MYOM2: variants seen among roughly 807,000 people sequenced by gnomAD.
The protein encoded by MYOM2 is myomesin-2.
MYOM2 carries 254 observed loss-of-function variants against 187.6 expected under a neutral mutation model. The ratio of observed to expected loss-of-function variants is 1.35; its 90% CI spans 1.22 to 1.50. MYOM2 has a LOEUF of 1.50. Ranked by LOEUF, MYOM2 falls within the 40% of genes most tolerant of loss-of-function variation. The pLI is 0.00. For missense variants in MYOM2, 2,796 were observed against 1,924.0 expected, an observed-to-expected ratio of 1.45 and a Z score of -8.48; for synonymous variants, 981 against 753.8, an observed-to-expected ratio of 1.30 and a Z score of -4.94.
intron 32 of MYOM2, among the ~76,000 whole-genome samples, chr8:2,131,788 C>T (rs140177454): frequency 0.14 from 20,797 of 151,362 alleles, 2,494 homozygotes; most frequent in African/African-American, 0.31. Context: ...GGACTACAGG[C>T]GCCCACCACC....
intron 1 of MYOM2, among the ~76,000 whole-genome samples, chr8:2,050,537 G>T (rs139949375): frequency 6.6e-6 from 1 of 152,302 alleles, no homozygotes; most frequent in African/African-American, 2.4e-5. Context: ...CAACTGTTGT[G>T]GAAGAAAACA....
intron 13 of MYOM2, among the ~76,000 whole-genome samples, chr8:2,081,488 C>G (rs1016271845): frequency 6.6e-6 from 1 of 152,218 alleles, no homozygotes; most frequent in Non-Finnish European, 1.5e-5. Context: ...GCAGACAGAT[C>G]AGGGAGGAGG....
At chr8:2,114,410 G>A (rs114837006) in intron 25 of MYOM2, among the ~76,000 whole-genome samples, 1,964 of 152,330 alleles carry the variant, frequency 0.013, 37 homozygotes, top group African/African-American at 0.045. Flanking sequence ...TGCAGGCAGG[G>A]AGGGGGAACT....
chr8:2,048,910 CT>C (rs902913066), intron 1 of MYOM2, among the ~76,000 whole-genome samples: 2 of 151,952 alleles, frequency 1.3e-5, no homozygotes, highest in African/African-American at 4.8e-5. Context: ...CTGCCTCAGC[CT>C]CCCGAGTAGC....
chr8:2,110,143 G>A (rs942814522), intron 25 of MYOM2, among the ~76,000 whole-genome samples: 1 of 152,128 alleles, frequency 6.6e-6, no homozygotes, highest in Non-Finnish European at 1.5e-5. Flanking sequence ...GGCAACATAA[G>A]GAGATCCCAT....
At chr8:2,084,758 A>G (rs751165379) in intron 13 of MYOM2, among the ~76,000 whole-genome samples, 19 of 152,180 alleles carry the variant, frequency 1.2e-4, no homozygotes, top group Non-Finnish European at 2.6e-4. Flanking sequence ...TGAGCTTTTG[A>G]GGGAGGAGCA....
At position 2,050,842 on chromosome 8, in the gene MYOM2, C is replaced by T. The variant is rs149935963; in HGVS notation, c.76C>T (p.Arg26Trp). The change falls in exon 2 of 37, where the codon CGG (arginine) becomes TGG (tryptophan). Residue 26 changes from arginine (R) to tryptophan (W), a missense_variant. Arg to Trp is a moderately radical substitution (Grantham distance 101). Transcript: ENST00000262113. Reference sequence around the variant, plus strand: ...CCAGTCCTACCGTAATATTCAAACACGGTACCTGCTGGACGAATATGCGTC... The same window carrying T: ...CCAGTCCTACCGTAATATTCAAACATGGTACCTGCTGGACGAATATGCGTC... Reference protein sequence around the residue: ...FDQSYRNIQTRYLLDEYASKK... With the variant: ...FDQSYRNIQTWYLLDEYASKK... 233 of 1,612,550 alleles carry T rather than the reference C, an allele frequency of 1.4e-4. 2 individuals carry two copies. The East Asian group carries it at 1.6e-3, about 11-fold the overall frequency.
chr8:2,139,804 A>G (rs981249587), intron 32 of MYOM2, among the ~76,000 whole-genome samples: 14 of 152,202 alleles, frequency 9.2e-5, no homozygotes, highest in African/African-American at 2.9e-4. Flanking sequence ...TAACTTATAC[A>G]CTTTTGTCTG....
chr8:2,076,590 G>C lies in MYOM2; in HGVS notation c.1262+308G>C, dbSNP rs527710871. ...ACTCTGAGCCCCGCGCTGTGGTTCT[G>C]CTGAGGTCCGGGCTGTGCCCCGTAC... On this transcript the variant is annotated intron_variant, in intron 11 of 36. Coordinates refer to ENST00000262113, the MANE Select transcript of MYOM2 (RefSeq NM_003970.4). 2.5e-5 allele frequency: 8 copies of C among 325,204 alleles called. No individual in the cohort carries two copies. In the South Asian group the frequency reaches 4.0e-4, roughly 16 times the overall value. 20.1% of individuals were successfully genotyped at this position (325,204 alleles called of 1,614,324 possible).
chr8:2,101,123 A>G (rs969622507), intron 20 of MYOM2, 69 bp downstream of exon 20: 1 of 1,527,042 alleles, frequency 6.5e-7, no homozygotes, highest in Non-Finnish European at 9.0e-7. Flanking sequence ...AGGCGGGCCA[A>G]TCACTTGAGG....
intron 28 of MYOM2, among the ~76,000 whole-genome samples, chr8:2,121,335 C>T (rs1056574788): frequency 1.3e-5 from 2 of 152,098 alleles, no homozygotes; most frequent in African/African-American, 4.8e-5. Context: ...TGTGTGTGCA[C>T]TCCCAAGGCC....
intron 6 of MYOM2, among the ~76,000 whole-genome samples, chr8:2,063,940 C>G (rs912489281): frequency 2.0e-5 from 3 of 152,248 alleles, no homozygotes; most frequent in Non-Finnish European, 4.4e-5. Context: ...CTCTCCCTCA[C>G]TTGCTTGCAA....
chr8:2,092,964 G>T (rs887931756), intron 16 of MYOM2, among the ~76,000 whole-genome samples: 17 of 152,186 alleles, frequency 1.1e-4, no homozygotes, highest in African/African-American at 4.1e-4. Flanking sequence ...TTCGCTTGTG[G>T]TGGGGGCAGC....
At chr8:2,080,760 GA>G (rs1267283817) in intron 13 of MYOM2, among the ~76,000 whole-genome samples, 1 of 152,226 alleles carries the variant, frequency 6.6e-6, no homozygotes, top group Non-Finnish European at 1.5e-5. Flanking sequence ...AATACTGTTA[GA>G]AAAGAAGGCC....
chr8:2,142,987 C>T (rs556348440), intron 35 of MYOM2, among the ~76,000 whole-genome samples: 2 of 152,084 alleles, frequency 1.3e-5, no homozygotes, highest in South Asian at 2.1e-4. Flanking sequence ...AACTCCTGAC[C>T]TCAGATGATC....
chr8:2,067,442 C>G (rs528556318), intron 6 of MYOM2, among the ~76,000 whole-genome samples: 407 of 152,264 alleles, frequency 2.7e-3, no homozygotes, highest in Non-Finnish European at 4.9e-3. Flanking sequence ...AGCTTCTTAC[C>G]TTACTGTGTT....
chr8:2,046,460 G>A (rs891312478), intron 1 of MYOM2, among the ~76,000 whole-genome samples: 8 of 152,174 alleles, frequency 5.3e-5, no homozygotes, highest in Non-Finnish European at 4.4e-5. Context: ...GGGTTCGGCC[G>A]TGGCCCTACC....
chr8:2,051,253 G>T (rs1818475860), intron 2 of MYOM2, among the ~76,000 whole-genome samples: 2 of 152,218 alleles, frequency 1.3e-5, no homozygotes, highest in Non-Finnish European at 1.5e-5. Flanking sequence ...TTAATGGGTG[G>T]CAGAGTAAAG....
chr8:2,141,010 A>G, intron 33 of MYOM2, 124 bp downstream of exon 33: 1 of 1,332,226 alleles, frequency 7.5e-7, no homozygotes, highest in Non-Finnish European at 1.0e-6. Flanking sequence ...TTTAGAGAAA[A>G]TGAAAAAATA....
Sources: allele counts gnomAD v4.1 joint callset (sites outside exome capture counted in the v4.1 genomes callset), GRCh38; gene constraint gnomAD v4.1.1; transcripts MANE v1.5; gene names NCBI Gene and HGNC (gene_info 2026-07-23, HGNC 2026-07-21).